CLYBL: variants seen among roughly 807,000 people sequenced by gnomAD.
CLYBL encodes citramalyl-CoA lyase.
A neutral mutation model predicts 38.9 loss-of-function variants in CLYBL; 31 were observed. That is an observed-to-expected ratio of 0.80 (90% CI 0.60 to 1.08). The LOEUF (loss-of-function observed/expected upper bound fraction) is 1.08. Among genes scored for constraint, CLYBL ranks in the 50% least tolerant of loss-of-function variants. The pLI, the probability that CLYBL is intolerant of heterozygous loss-of-function variation, is 0.00. For missense variants in CLYBL, 434 were observed against 411.6 expected, an observed-to-expected ratio of 1.05 and a Z score of -0.47; for synonymous variants, 171 against 158.6, an observed-to-expected ratio of 1.08 and a Z score of -0.59.
chr13:99,872,904 C>T (rs895801624), intron 7 of CLYBL, among the ~76,000 whole-genome samples: 5 of 151,828 alleles, frequency 3.3e-5, no homozygotes, highest in African/African-American at 7.3e-5. Context: ...AAAGTTTTCA[C>T]ACCTTTTGAT....
chr13:99,743,660 C>T (rs960510822), intron 1 of CLYBL, among the ~76,000 whole-genome samples: 1 of 152,152 alleles, frequency 6.6e-6, no homozygotes. Context: ...ATGGTTGGTT[C>T]GGCTCTGTGG....
chr13:99,905,572 T>C (rs568320446), intron 9 of CLYBL, among the ~76,000 whole-genome samples: 113 of 152,228 alleles, frequency 7.4e-4, no homozygotes, highest in African/African-American at 2.6e-3. Flanking sequence ...TATTCTTCAT[T>C]ATCCTTCAAA....
At chr13:99,722,417 C>CT (rs5806134) in intron 1 of CLYBL, among the ~76,000 whole-genome samples, 29,399 of 146,916 alleles carry the variant, frequency 0.2, 3,121 homozygotes, top group East Asian at 0.48. Context: ...CGCATGAAAC[C>CT]TTTTTTTTTT....
chr13:99,688,712 C>T (rs181570062), intron 1 of CLYBL, among the ~76,000 whole-genome samples: 186 of 151,968 alleles, frequency 1.2e-3, no homozygotes, highest in African/African-American at 4.2e-3. Context: ...CCTTATATCT[C>T]TTCCAGCTCC....
At chr13:99,736,867 T>A (rs2048676588) in intron 1 of CLYBL, among the ~76,000 whole-genome samples, 1 of 152,198 alleles carries the variant, frequency 6.6e-6, no homozygotes. Flanking sequence ...AAGGCTGAAT[T>A]TTGTCCTCAT....
At chr13:99,861,566 C>G (rs1194492391) in intron 3 of CLYBL, among the ~76,000 whole-genome samples, 1 of 152,074 alleles carries the variant, frequency 6.6e-6, no homozygotes, top group East Asian at 1.9e-4. Flanking sequence ...CATTTTATCC[C>G]CTTAAATTGT....
At chr13:99,801,569 G>A (rs1401729501) in intron 2 of CLYBL, among the ~76,000 whole-genome samples, 1 of 152,118 alleles carries the variant, frequency 6.6e-6, no homozygotes, top group Non-Finnish European at 1.5e-5. Flanking sequence ...TCTTGGAAAA[G>A]CAAAATGGGA....
At chr13:99,824,325 A>G (rs1464849557) in intron 2 of CLYBL, among the ~76,000 whole-genome samples, 1 of 118,556 alleles carries the variant, frequency 8.4e-6, no homozygotes, top group East Asian at 2.7e-4. Flanking sequence ...TCATTAGTTG[A>G]GCATGGGAAA....
At chr13:99,736,805 AC>A (rs2048675700) in intron 1 of CLYBL, among the ~76,000 whole-genome samples, 1 of 151,996 alleles carries the variant, frequency 6.6e-6, no homozygotes, top group East Asian at 1.9e-4. Context: ...ATTGGTTTCT[AC>A]CAGTGTTCAC....
At chr13:99,807,612 AT>A (rs755416506) in intron 2 of CLYBL, among the ~76,000 whole-genome samples, 13 of 152,132 alleles carry the variant, frequency 8.5e-5, no homozygotes, top group Non-Finnish European at 1.2e-4. Flanking sequence ...AGGTACTAGA[AT>A]CATCAGATTC....
At chr13:99,611,049 C>G (rs1270448965) in intron 1 of CLYBL, among the ~76,000 whole-genome samples, 1 of 152,220 alleles carries the variant, frequency 6.6e-6, no homozygotes, top group Non-Finnish European at 1.5e-5. Context: ...GGCTTTCCCC[C>G]TCTAGTGGCT....
chr13:99,608,390 C>A (rs1006414463), intron 1 of CLYBL, among the ~76,000 whole-genome samples: 1 of 152,170 alleles, frequency 6.6e-6, no homozygotes, highest in Non-Finnish European at 1.5e-5. Flanking sequence ...GAACTTCTTA[C>A]GTCTTCTTGC....
At chr13:99,818,845 G>C (rs899744980) in intron 2 of CLYBL, among the ~76,000 whole-genome samples, 1 of 151,972 alleles carries the variant, frequency 6.6e-6, no homozygotes, top group African/African-American at 2.4e-5. Context: ...GCATTTTTCC[G>C]CATCTCCACA....
chr13:99,904,835 A>G (rs887718924), intron 8 of CLYBL, among the ~76,000 whole-genome samples: 1 of 152,220 alleles, frequency 6.6e-6, no homozygotes, highest in Non-Finnish European at 1.5e-5. Flanking sequence ...AGGTGAGCGT[A>G]GCTGCCCTCC....
intron 1 of CLYBL, among the ~76,000 whole-genome samples, chr13:99,770,005 A>C (rs1031226255): frequency 6.6e-6 from 1 of 151,964 alleles, no homozygotes; most frequent in African/African-American, 2.4e-5. Context: ...ATTTTTTAAG[A>C]TCATGCTATT....
At chr13:99,728,508 G>A (rs140081063) in intron 1 of CLYBL, among the ~76,000 whole-genome samples, 3,065 of 151,546 alleles carry the variant, frequency 0.02, 102 homozygotes, top group African/African-American at 0.07. Context: ...TCGATCTCCT[G>A]ACCTCATGAT....
intron 1 of CLYBL, among the ~76,000 whole-genome samples, chr13:99,737,640 G>T (rs759352199): frequency 2.6e-5 from 4 of 152,156 alleles, no homozygotes; most frequent in Non-Finnish European, 5.9e-5. Flanking sequence ...AGTCATGTGC[G>T]CAAGAGTGTT....
chr13:99,754,131 C>T (rs1022123498), intron 1 of CLYBL, among the ~76,000 whole-genome samples: 7 of 138,170 alleles, frequency 5.1e-5, no homozygotes, highest in Admixed American at 2.2e-4. Context: ...AGGACTTGGC[C>T]GGGTGTGGTG....
chr13:99,716,177 T>TTTTTTTTTTTTTC (rs2048310188), intron 1 of CLYBL, among the ~76,000 whole-genome samples: 1 of 68,314 alleles, frequency 1.5e-5, no homozygotes, highest in Non-Finnish European at 3.1e-5. Flanking sequence ...TAATTTTTTT[T>TTTTTTTTTTTTTC]TTTTTTTTTT....
Sources: allele counts gnomAD v4.1 joint callset (sites outside exome capture counted in the v4.1 genomes callset), GRCh38; gene constraint gnomAD v4.1.1; transcripts MANE v1.5; gene names NCBI Gene and HGNC (gene_info 2026-07-23, HGNC 2026-07-21).